Variants in NADSYN1 observed in about 807,000 individuals in gnomAD.
The protein encoded by NADSYN1 is NAD synthetase 1.
NADSYN1 carries 80 observed loss-of-function variants against 99.3 expected under a neutral mutation model. The ratio of observed to expected loss-of-function variants is 0.81; its 90% CI spans 0.67 to 0.97. The LOEUF is 0.97. Ranked by LOEUF, NADSYN1 falls within the 50% of genes least tolerant of loss-of-function variation. The pLI, the probability that NADSYN1 is intolerant of heterozygous loss-of-function variation, is 0.00. For missense variants in NADSYN1, 859 were observed against 948.5 expected, an observed-to-expected ratio of 0.91 and a Z score of 1.24; for synonymous variants, 385 against 372.1, an observed-to-expected ratio of 1.03 and a Z score of -0.40.
chr11:71,464,388 T>C, intron 5 of NADSYN1: 1 of 444,062 alleles, frequency 2.3e-6, no homozygotes, highest in Non-Finnish European at 4.1e-6. Context: ...CAGGGCGCGG[T>C]TACACAATGT....
intron 5 of NADSYN1, among the ~76,000 whole-genome samples, chr11:71,467,927 C>G (rs899278123): frequency 1.3e-5 from 2 of 152,064 alleles, no homozygotes; most frequent in African/African-American, 4.8e-5. Context: ...CTTGTGAAAC[C>G]GCAGAACACT....
At chr11:71,486,079 C>T (rs1949740995) in intron 16 of NADSYN1, among the ~76,000 whole-genome samples, 1 of 152,204 alleles carries the variant, frequency 6.6e-6, no homozygotes, top group African/African-American at 2.4e-5. Flanking sequence ...CAGAGCCTCC[C>T]TGTTGTTTTC....
chr11:71,461,528 A>G (rs1395429342), intron 3 of NADSYN1, among the ~76,000 whole-genome samples: 2 of 152,152 alleles, frequency 1.3e-5, no homozygotes, highest in Admixed American at 6.5e-5. Flanking sequence ...ACCCGGGTTC[A>G]AGCGATTCTC....
intron 20 of NADSYN1, 68 bp downstream of exon 20, chr11:71,498,596 A>T (rs917957403): frequency 6.4e-7 from 1 of 1,556,012 alleles, no homozygotes; most frequent in African/African-American, 1.4e-5. Context: ...GGTTATTTCC[A>T]TGAAGGATTG....
Position 71,482,862 on chromosome 11 carries a change from G to A in NADSYN1, c.1164G>A (p.Leu388=). ...GGTGGTTTTCAGATGAGGAAGTGCT[G>A]GCTGATGTCCGCACCATCGTGAACC... The part of the protein sequence containing the change: ...EAVRSGNEEV[L]ADVRTIVNQI... The change falls in exon 14 of 21, where the codon CTG becomes CTA. Residue 388 remains leucine, a synonymous_variant. Transcript: ENST00000319023. The A allele has an allele frequency of 6.2e-7, 1 of 1,612,538 alleles. No homozygotes were observed. Among genetic ancestry groups the A allele is most frequent in the African/African-American group, 1.3e-5 (1 of 74,920 alleles).
chr11:71,456,402 C>T (rs1949514871), intron 2 of NADSYN1, among the ~76,000 whole-genome samples: 1 of 152,198 alleles, frequency 6.6e-6, no homozygotes, highest in Admixed American at 6.5e-5. Flanking sequence ...CACAAAGCTT[C>T]GATCCTCTCC....
chr11:71,497,816 A>G (rs543649991), intron 19 of NADSYN1, among the ~76,000 whole-genome samples: 1 of 152,084 alleles, frequency 6.6e-6, no homozygotes, highest in South Asian at 2.1e-4. Context: ...GCTCACCCAC[A>G]GCCAGGTAAA....
chr11:71,479,252 G>A (rs112580256), intron 10 of NADSYN1: 12,555 of 151,050 alleles, frequency 0.083, 622 homozygotes, highest in African/African-American at 0.14. Context: ...ACTAATTTTT[G>A]ATTTTTTTTA....
chr11:71,491,718 G>A (rs969493120), intron 17 of NADSYN1, 116 bp from the exon 18 acceptor site: 19 of 906,404 alleles, frequency 2.1e-5, no homozygotes, highest in Middle Eastern at 2.2e-4. Context: ...TCCTACCCAC[G>A]GTGAACGGAG....
At chr11:71,491,031 G>A (rs768245447) in intron 17 of NADSYN1, 55 bp downstream of exon 17, 495 of 1,606,420 alleles carry the variant, frequency 3.1e-4, no homozygotes, top group Non-Finnish European at 3.7e-4. Context: ...CTCCCAGCAC[G>A]GCCCCGGCCA....
At chr11:71,498,284 A>G in intron 19 of NADSYN1, 68 bp from the exon 20 acceptor site, 5 of 1,566,376 alleles carry the variant, frequency 3.2e-6, no homozygotes, top group Non-Finnish European at 3.5e-6. Flanking sequence ...ATGATCCAGC[A>G]TGGGAATTCC....
chr11:71,467,184 A>G (rs1226480644), intron 5 of NADSYN1, among the ~76,000 whole-genome samples: 1 of 152,220 alleles, frequency 6.6e-6, no homozygotes, highest in Non-Finnish European at 1.5e-5. Context: ...CCTGTGTAGT[A>G]TAAGACTCAG....
Position 71,491,233 on chromosome 11 carries a change from G to A in NADSYN1, c.1694+257G>A, listed in dbSNP as rs557962543. ...GCCTGCCCTGCCTCCCTTCCCTGCC[G>A]TCCCCATGCCGATGCTTGGCAGGCC... On this transcript the variant is annotated intron_variant, in intron 17 of 20. Coordinates refer to ENST00000319023, the MANE Select transcript of NADSYN1 (RefSeq NM_018161.5). Among the ~76,000 whole-genome samples the A allele has an allele frequency of 9.2e-5, 14 of 152,356 alleles. No individual in the cohort carries two copies. The South Asian group carries it at 2.3e-3, about 25-fold the overall frequency.
intron 14 of NADSYN1, among the ~76,000 whole-genome samples, chr11:71,483,570 G>A (rs1184877343): frequency 5.3e-5 from 8 of 152,136 alleles, no homozygotes; most frequent in African/African-American, 1.9e-4. Context: ...AGAAAGACTG[G>A]GTTCTATCTA....
At chr11:71,481,276 T>C (rs906569759) in intron 11 of NADSYN1, 80 bp from the exon 12 acceptor site, 68 of 1,461,090 alleles carry the variant, frequency 4.7e-5, no homozygotes, top group Non-Finnish European at 6.1e-5. Flanking sequence ...TGCAGCCTCC[T>C]GGGGCCTGCT....
At chr11:71,456,304 G>C (rs1320924661) in intron 2 of NADSYN1, among the ~76,000 whole-genome samples, 6 of 152,192 alleles carry the variant, frequency 3.9e-5, no homozygotes, top group Non-Finnish European at 8.8e-5. Context: ...TGTTTACTTT[G>C]TTCTTTAATT....
At chr11:71,483,121 G>T (rs142495630) in intron 14 of NADSYN1, 104 bp downstream of exon 14, 6 of 1,370,330 alleles carry the variant, frequency 4.4e-6, no homozygotes, top group East Asian at 2.3e-5. Context: ...CATTCATTCC[G>T]CATCGTGTCA....
chr11:71,458,406 C>T lies in NADSYN1; in HGVS notation c.147-22C>T, dbSNP rs1318513848. On this transcript the variant is annotated intron_variant, in intron 2 of 20. Transcript: ENST00000319023. Reference sequence around the variant, plus strand: ...GCTCACCTGAGTTGTTTCTGGAGCTCACCTTCTCACTGTCTCTGCAGCGGC... The same window carrying T: ...GCTCACCTGAGTTGTTTCTGGAGCTTACCTTCTCACTGTCTCTGCAGCGGC... The T allele has an allele frequency of 2.5e-6, 4 of 1,588,758 alleles. No homozygotes were observed. In the South Asian group the frequency reaches 4.4e-5, roughly 18 times the overall value.
chr11:71,472,559 G>A, intron 6 of NADSYN1, 59 bp downstream of exon 6: 1 of 1,469,642 alleles, frequency 6.8e-7, no homozygotes, highest in Non-Finnish European at 9.5e-7. Flanking sequence ...TCGGCCAACA[G>A]TGGACCAGGT....
Sources: gnomAD v4.1 joint callset for allele counts (sites outside exome capture counted in the v4.1 genomes callset) on GRCh38, gnomAD v4.1.1 for gene constraint, MANE v1.5 for transcripts, NCBI Gene and HGNC (gene_info 2026-07-23, HGNC 2026-07-21) for gene names.